Variants in LRP1B observed in about 807,000 individuals in gnomAD.
The protein encoded by LRP1B is low-density lipoprotein receptor-related protein 1B.
LRP1B carries 217 observed loss-of-function variants against 556.6 expected under a neutral mutation model. The observed-to-expected ratio is 0.39, with a 90% confidence interval of 0.35 to 0.44. LRP1B has a LOEUF of 0.44. Among genes scored for constraint, LRP1B ranks in the 20% least tolerant of loss-of-function variants. LRP1B has a pLI of 1.00. For synonymous variants in LRP1B, 2,047 were observed against 1,865.8 expected, an observed-to-expected ratio of 1.10 and a Z score of -2.50; for missense variants, 5,053 against 5,620.8, an observed-to-expected ratio of 0.90 and a Z score of 3.23.
At chr2:140,916,693 G>T (rs1452462884) in intron 21 of LRP1B, among the ~76,000 whole-genome samples, 1 of 152,114 alleles carries the variant, frequency 6.6e-6, no homozygotes, top group Non-Finnish European at 1.5e-5. Flanking sequence ...GTCAAAGAAA[G>T]GTAGTCAATT....
chr2:141,916,277 G>A (rs1167825597), intron 1 of LRP1B, among the ~76,000 whole-genome samples: 1 of 152,072 alleles, frequency 6.6e-6, no homozygotes, highest in Non-Finnish European at 1.5e-5. Flanking sequence ...GCAGCACCAT[G>A]GATGCACCAG....
intron 3 of LRP1B, among the ~76,000 whole-genome samples, chr2:141,457,004 T>C (rs1681659969): frequency 6.6e-6 from 1 of 152,220 alleles, no homozygotes; most frequent in Non-Finnish European, 1.5e-5. Context: ...CTTTTCTGAC[T>C]GAATGGATTA....
intron 1 of LRP1B, among the ~76,000 whole-genome samples, chr2:142,038,926 T>C (rs1703974080): frequency 6.6e-6 from 1 of 151,570 alleles, no homozygotes; most frequent in Non-Finnish European, 1.5e-5. Context: ...GGCCAATCAT[T>C]GTATTTTCCT....
intron 1 of LRP1B, among the ~76,000 whole-genome samples, chr2:141,919,502 T>C (rs1259212196): frequency 6.6e-6 from 1 of 152,090 alleles, no homozygotes; most frequent in Non-Finnish European, 1.5e-5. Context: ...CTACTTGAAC[T>C]CATGCTCCTG....
rs568973049 is a variant in LRP1B at position 141,654,651 on chromosome 2, C to A, written c.205+155628G>T. Among the ~76,000 whole-genome samples, 3 of 152,156 alleles carry A rather than the reference C, an allele frequency of 2.0e-5. No individual in the cohort carries two copies. The East Asian group carries it at 5.8e-4, about 29-fold the overall frequency. On this transcript the variant is annotated intron_variant, in intron 2 of 90. Transcript: ENST00000389484. ...TTCTAGCTGTATCTAGCTCTTCTCT[C>A]GATCCACAGGGCCAAGGAAGATGCT... is the stretch of plus-strand genomic sequence containing the variant.
chr2:142,124,004 T>C (rs956325885), intron 1 of LRP1B, among the ~76,000 whole-genome samples: 5 of 151,936 alleles, frequency 3.3e-5, no homozygotes, highest in East Asian at 3.8e-4. Context: ...TAAACAAATA[T>C]GAGTAGAGTT....
In LRP1B at chr2:141,476,073, G is replaced by A. The variant is rs186670206; in HGVS notation, c.343+4323C>T. Among the ~76,000 whole-genome samples, 594 of 152,224 alleles carry A rather than the reference G, an allele frequency of 3.9e-3. 10 individuals carry two copies. Among genetic ancestry groups the A allele is most frequent in the African/African-American group, 0.013 (528 of 41,514 alleles). On this transcript the variant is annotated intron_variant, in intron 3 of 90. Coordinates refer to ENST00000389484, the MANE Select transcript of LRP1B (RefSeq NM_018557.3). Reference sequence around the variant, plus strand: ...GAGTTGCAGGCACCGAACCGTAAATGCTACCTTGGGGCCAGAGCCCAAAAG... The same window carrying A: ...GAGTTGCAGGCACCGAACCGTAAATACTACCTTGGGGCCAGAGCCCAAAAG...
chr2:141,615,438 C>T (rs772641382), intron 2 of LRP1B, among the ~76,000 whole-genome samples: 2 of 152,156 alleles, frequency 1.3e-5, no homozygotes, highest in Non-Finnish European at 2.9e-5. Context: ...AATGCCCTGA[C>T]ACTCATAGAT....
chr2:140,544,333 T>G (rs1680247197), intron 43 of LRP1B, among the ~76,000 whole-genome samples: 1 of 151,996 alleles, frequency 6.6e-6, no homozygotes. Context: ...TATTAACTTT[T>G]AAGTTCAGGG....
Position 141,169,331 on chromosome 2 carries a change from T to G in LRP1B, c.1013+19090A>C, listed in dbSNP as rs540601878. On this transcript the variant is annotated intron_variant, in intron 7 of 90. Transcript: ENST00000389484. ...ATAAATAAATAAATAAATAAATAAA[T>G]AAATAAAGAAGAGATGGGACGTATG... is the stretch of plus-strand genomic sequence containing the variant. 1.7e-3 allele frequency among the ~76,000 whole-genome samples: 251 copies of G among 145,028 alleles called. 2 individuals are homozygous for G. Among genetic ancestry groups the G allele is most frequent in the African/African-American group, 6.2e-3 (238 of 38,140 alleles).
At position 141,887,964 on chromosome 2, in the gene LRP1B, A is replaced by G. The variant is rs145771603; in HGVS notation, c.83-77563T>C. On this transcript the variant is annotated intron_variant, in intron 1 of 90. Transcript: ENST00000389484. ...TGGTAAAATACCTGTCAAAAACTAAAGATGATTTCCCTCTTACCACCTTCC... is the reference window on the plus strand; with the variant it reads ...TGGTAAAATACCTGTCAAAAACTAAGGATGATTTCCCTCTTACCACCTTCC... 3.3e-3 allele frequency among the ~76,000 whole-genome samples: 496 copies of G among 152,354 alleles called. 2 individuals carry two copies. The highest frequency in any genetic ancestry group is 0.012 in the African/African-American group (482 of 41,590).
chr2:141,510,927 A>C (rs1684108953), intron 2 of LRP1B, among the ~76,000 whole-genome samples: 1 of 151,436 alleles, frequency 6.6e-6, no homozygotes, highest in African/African-American at 2.4e-5. Context: ...AAACATACAC[A>C]CAAGCTCCAT....
rs2105134518 is a variant in LRP1B, at chr2:140,357,960, T to C, written c.11395+19A>G. On this transcript the variant is annotated intron_variant, in intron 74 of 90. Coordinates refer to ENST00000389484, the MANE Select transcript of LRP1B (RefSeq NM_018557.3). ...GACTTGTGTATCCCGGTGCTTTGCT[T>C]AACAGAAAACAAGCTCACCTATTCT... The C allele has an allele frequency of 6.2e-7, 1 of 1,601,302 alleles. No homozygotes were observed. The highest frequency in any genetic ancestry group is 8.5e-7 in the Non-Finnish European group (1 of 1,171,126).
At chr2:141,940,277 A>G (rs1700758239) in intron 1 of LRP1B, among the ~76,000 whole-genome samples, 1 of 152,176 alleles carries the variant, frequency 6.6e-6, no homozygotes. Context: ...ATGCCACTGT[A>G]CAAAGGTATA....
At chr2:141,887,330 A>G (rs1286311416) in intron 1 of LRP1B, among the ~76,000 whole-genome samples, 1 of 152,070 alleles carries the variant, frequency 6.6e-6, no homozygotes, top group African/African-American at 2.4e-5. Flanking sequence ...TAAAAATTAT[A>G]TCTCTGGTTG....
At chr2:140,294,479 C>G (rs1449332388) in intron 84 of LRP1B, among the ~76,000 whole-genome samples, 1 of 152,108 alleles carries the variant, frequency 6.6e-6, no homozygotes, top group African/African-American at 2.4e-5. Context: ...ACATAATCAA[C>G]AGGTAAAAAT....
intron 1 of LRP1B, among the ~76,000 whole-genome samples, chr2:141,863,326 G>A (rs1433020912): frequency 1.3e-5 from 2 of 152,080 alleles, no homozygotes; most frequent in Non-Finnish European, 2.9e-5. Context: ...AGTTTATATT[G>A]TGGTGGCGAA....
intron 27 of LRP1B, among the ~76,000 whole-genome samples, chr2:140,855,294 T>A (rs1289325115): frequency 7.1e-6 from 1 of 140,834 alleles, no homozygotes. Context: ...CTAACTAATC[T>A]TTGATATCTA....
In LRP1B at chr2:141,753,263, C is replaced by CATATATATATATGGAG. The variant is rs1553459355; in HGVS notation, c.205+57015_205+57016insCTCCATATATATATAT. 4.8e-5 allele frequency among the ~76,000 whole-genome samples: 3 copies of CATATATATATATGGAG among 62,502 alleles called. 1 individual carries two copies. Among genetic ancestry groups the CATATATATATATGGAG allele is most frequent in the African/African-American group, 1.8e-4 (3 of 16,718 alleles). 41.0% of individuals were successfully genotyped at this position (62,502 alleles called of 152,430 possible). On this transcript the variant is annotated intron_variant, in intron 2 of 90. Coordinates refer to ENST00000389484, the MANE Select transcript of LRP1B (RefSeq NM_018557.3). ...AACACACACACTCTCTCTCTCTCTCCATATATATATATATATATATCCCAG... is the reference window on the plus strand; with the variant it reads ...AACACACACACTCTCTCTCTCTCTCCATATATATATATGGAGATATATATATATATATATATCCCAG...
Sources: gnomAD v4.1 joint callset for allele counts (sites outside exome capture counted in the v4.1 genomes callset) on GRCh38, gnomAD v4.1.1 for gene constraint, MANE v1.5 for transcripts, NCBI Gene and HGNC (gene_info 2026-07-23, HGNC 2026-07-21) for gene names.